Variants in ASIC2 observed in about 807,000 individuals in gnomAD.
The protein encoded by ASIC2 is acid-sensing ion channel 2.
Under a neutral mutation model 57.3 loss-of-function variants are expected in ASIC2, and 25 were observed. The ratio of observed to expected loss-of-function variants is 0.44; its 90% CI spans 0.32 to 0.61. The LOEUF is 0.61. ASIC2 is among the 20% of genes least tolerant of loss of function. The pLI is 0.06. For synonymous variants in ASIC2, 319 were observed against 307.5 expected (o/e 1.04, Z -0.39); for missense variants, 641 against 738.1 (o/e 0.87, Z 1.52).
At chr17:33,698,198 A>T (rs750424082) in intron 1 of ASIC2, among the ~76,000 whole-genome samples, 1 of 152,230 alleles carries the variant, frequency 6.6e-6, no homozygotes, top group Non-Finnish European at 1.5e-5. Context: ...GGTGGTTTTC[A>T]TTAGGAATGA....
chr17:33,752,597 A>G (rs1910468791), intron 1 of ASIC2, among the ~76,000 whole-genome samples: 2 of 152,070 alleles, frequency 1.3e-5, no homozygotes, highest in East Asian at 1.9e-4. Context: ...TGTATTTATG[A>G]CTCTTTCATG....
intron 1 of ASIC2, among the ~76,000 whole-genome samples, chr17:33,443,319 G>C (rs1911889054): frequency 6.6e-6 from 1 of 151,712 alleles, no homozygotes; most frequent in Non-Finnish European, 1.5e-5. Flanking sequence ...TGTAGGATTG[G>C]GTATTGTTTC....
At chr17:33,171,744 C>T (rs1905529080) in intron 1 of ASIC2, among the ~76,000 whole-genome samples, 1 of 152,230 alleles carries the variant, frequency 6.6e-6, no homozygotes, top group Non-Finnish European at 1.5e-5. Flanking sequence ...CATAACCCTG[C>T]AACATGGCCT....
intron 1 of ASIC2, among the ~76,000 whole-genome samples, chr17:33,169,664 G>A (rs148817427): frequency 2.3e-3 from 356 of 152,230 alleles, no homozygotes; most frequent in African/African-American, 8.0e-3. Context: ...GATCCCTAGC[G>A]TCTCTTGCAG....
intron 1 of ASIC2, among the ~76,000 whole-genome samples, chr17:33,592,878 T>C (rs1416124905): frequency 3.3e-5 from 5 of 152,210 alleles, no homozygotes; most frequent in Admixed American, 6.5e-5. Context: ...GAGAGACTCT[T>C]CAGAATCCAT....
At chr17:33,839,491 C>T (rs1468162578) in intron 1 of ASIC2, among the ~76,000 whole-genome samples, 1 of 151,962 alleles carries the variant, frequency 6.6e-6, no homozygotes, top group Non-Finnish European at 1.5e-5. Flanking sequence ...GCCCCAAACT[C>T]ACCCTTCTAC....
chr17:33,681,037 G>A (rs991503380), intron 1 of ASIC2, among the ~76,000 whole-genome samples: 8 of 152,194 alleles, frequency 5.3e-5, no homozygotes, highest in African/African-American at 1.9e-4. Context: ...CAGATAGGGA[G>A]TTTCTTAGGT....
At chr17:33,090,970 G>A (rs2092155265) in intron 2 of ASIC2, among the ~76,000 whole-genome samples, 1 of 152,190 alleles carries the variant, frequency 6.6e-6, no homozygotes, top group African/African-American at 2.4e-5. Flanking sequence ...CTTCCCTCCA[G>A]TACAGTCATT....
intron 1 of ASIC2, among the ~76,000 whole-genome samples, chr17:33,809,371 GA>G (rs1364640090): frequency 6.6e-6 from 1 of 152,238 alleles, no homozygotes; most frequent in Non-Finnish European, 1.5e-5. Context: ...CCTGGACTGG[GA>G]AATCTCCCAC....
chr17:33,511,346 T>C (rs988683105), intron 1 of ASIC2, among the ~76,000 whole-genome samples: 1 of 152,184 alleles, frequency 6.6e-6, no homozygotes, highest in Non-Finnish European at 1.5e-5. Context: ...CACACACCCA[T>C]GTTCTTGGAA....
intron 1 of ASIC2, among the ~76,000 whole-genome samples, chr17:33,818,285 T>G (rs1353962957): frequency 6.6e-6 from 1 of 152,202 alleles, no homozygotes; most frequent in Non-Finnish European, 1.5e-5. Flanking sequence ...TTTTGGTGAT[T>G]AAAGAAATGC....
At chr17:33,639,994 A>C (rs1906504924) in intron 1 of ASIC2, among the ~76,000 whole-genome samples, 1 of 152,184 alleles carries the variant, frequency 6.6e-6, no homozygotes, top group African/African-American at 2.4e-5. Context: ...GACAAGGATT[A>C]CCAGTGTATG....
At chr17:34,087,054 C>T (rs1019136660) in intron 1 of ASIC2, among the ~76,000 whole-genome samples, 42 of 151,594 alleles carry the variant, frequency 2.8e-4, no homozygotes, top group African/African-American at 8.7e-4. Flanking sequence ...AAGTTAATAT[C>T]GTTCTGTGTG....
intron 1 of ASIC2, 30 bp from the exon 2 acceptor site, chr17:33,112,097 AG>A: frequency 6.3e-7 from 1 of 1,580,250 alleles, no homozygotes; most frequent in Non-Finnish European, 8.6e-7. Flanking sequence ...GAGAGAGAGA[AG>A]CACATGGGTA....
At chr17:33,223,698 C>T (rs1190234089) in intron 1 of ASIC2, among the ~76,000 whole-genome samples, 1 of 152,152 alleles carries the variant, frequency 6.6e-6, no homozygotes. Context: ...GACAAAGGAG[C>T]CTAAAATGGA....
At chr17:33,451,989 G>A (rs963744778) in intron 1 of ASIC2, among the ~76,000 whole-genome samples, 15 of 152,112 alleles carry the variant, frequency 9.9e-5, no homozygotes, top group South Asian at 6.2e-4. Flanking sequence ...TGATATGCAC[G>A]CAGTACACAT....
chr17:33,194,032 G>T (rs1038483931), intron 1 of ASIC2, among the ~76,000 whole-genome samples: 1 of 152,116 alleles, frequency 6.6e-6, no homozygotes, highest in Admixed American at 6.5e-5. Context: ...CCTTGGCAGG[G>T]GGAGGGCCGT....
chr17:33,897,658 A>T lies in ASIC2; in HGVS notation c.555+258320T>A, dbSNP rs1177574455. On this transcript the variant is annotated intron_variant, in intron 1 of 9. Transcript: ENST00000359872. ...TGTGCTTCATTTCAAAATAGTTAAT[A>T]TCCCTGGAAGGCTACATACTATTCC... Among the ~76,000 whole-genome samples the T allele has an allele frequency of 2.0e-5, 3 of 152,236 alleles. No individual in the cohort carries two copies. In the East Asian group the frequency reaches 5.8e-4, roughly 29 times the overall value.
intron 1 of ASIC2, among the ~76,000 whole-genome samples, chr17:34,047,797 T>TCATAAGTCAGTCAATATTCTAGGAA (rs1908394976): frequency 1.3e-5 from 2 of 152,286 alleles, no homozygotes; most frequent in South Asian, 4.1e-4. Flanking sequence ...ACTGCAGCCC[T>TCATAAGTCAGTCAATATTCTAGGAA]CATAAGTCAG....
Sources: allele counts gnomAD v4.1 joint callset (sites outside exome capture counted in the v4.1 genomes callset), GRCh38; gene constraint gnomAD v4.1.1; transcripts MANE v1.5; gene names NCBI Gene and HGNC (gene_info 2026-07-23, HGNC 2026-07-21).